The following CLIP2 variants were observed in gnomAD, a reference collection of about 807,000 sequenced individuals.
CLIP2 encodes CAP-Gly domain containing linker protein 2.
In CLIP2, 41 loss-of-function variants were observed where a neutral mutation model predicts 111.7. The ratio of observed to expected loss-of-function variants is 0.37; its 90% CI spans 0.29 to 0.48. The LOEUF is 0.48. Ranked by LOEUF, CLIP2 falls within the 20% of genes least tolerant of loss-of-function variation. The pLI, the probability that CLIP2 is intolerant of heterozygous loss-of-function variation, is 0.99. For synonymous variants in CLIP2, 660 were observed against 644.2 expected (o/e 1.02, Z -0.37); for missense variants, 1,160 against 1,422.1 (o/e 0.82, Z 2.96).
chr7:74,354,140 C>T lies in CLIP2; in HGVS notation c.803+136C>T, dbSNP rs979659232. ...GACACCATAAGTCCTTTCCCATTCCCTCCTTCCCAACAGCCCACTAAGCTG... is the reference window on the plus strand; with the variant it reads ...GACACCATAAGTCCTTTCCCATTCCTTCCTTCCCAACAGCCCACTAAGCTG... On this transcript the variant is annotated intron_variant, in intron 4 of 16. Transcript: ENST00000223398. 6.2e-5 allele frequency: 69 copies of T among 1,121,118 alleles called. No homozygotes were observed. The African/African-American group carries it at 9.9e-4, about 16-fold the overall frequency. 69.4% of individuals were successfully genotyped at this position (1,121,118 alleles called of 1,614,324 possible). A position where few individuals can be genotyped will look rare whatever the true frequency, so the allele number is the denominator to read the frequency against.
intron 7 of CLIP2, among the ~76,000 whole-genome samples, chr7:74,362,528 C>CTTTTTTTTTTTTTTTTTTT (rs3044338): frequency 1.9e-4 from 23 of 121,978 alleles, no homozygotes; most frequent in Non-Finnish European, 2.4e-4. Flanking sequence ...TTTTTCTTTT[C>CTTTTTTTTTTTTTTTTTTT]TTTTTTTTTT....
rs201943864 is a variant in CLIP2 at position 74,321,479 on chromosome 7, A to T, written c.121+3812A>T. 9.1e-3 allele frequency among the ~76,000 whole-genome samples: 1,371 copies of T among 151,352 alleles called. 15 individuals are homozygous for T. The highest frequency in any genetic ancestry group is 0.017 in the African/African-American group (703 of 41,320). On this transcript the variant is annotated intron_variant, in intron 2 of 16. Transcript: ENST00000223398. ...CTTTATTTTATTTATTATTATTATT[A>T]TTTTTTTTGAGATACAGTCTCGCTC...
At chr7:74,319,775 C>T (rs1164961474) in intron 2 of CLIP2, among the ~76,000 whole-genome samples, 3 of 150,928 alleles carry the variant, frequency 2.0e-5, no homozygotes, top group South Asian at 2.1e-4. Flanking sequence ...GAGCCATGAT[C>T]ACACCGCTGC....
At chr7:74,347,631 C>G (rs1281382216) in intron 3 of CLIP2, among the ~76,000 whole-genome samples, 5 of 152,168 alleles carry the variant, frequency 3.3e-5, no homozygotes, top group African/African-American at 1.2e-4. Flanking sequence ...GCGGCCACGC[C>G]TACTCCCTCT....
intron 9 of CLIP2, among the ~76,000 whole-genome samples, chr7:74,375,120 T>G (rs1483727123): frequency 6.6e-6 from 1 of 152,160 alleles, no homozygotes; most frequent in African/African-American, 2.4e-5. Context: ...TGGTGGCTCA[T>G]GCCCATAGAG....
chr7:74,394,425 T>C (rs1485110107), intron 13 of CLIP2, among the ~76,000 whole-genome samples: 1 of 152,046 alleles, frequency 6.6e-6, no homozygotes, highest in Non-Finnish European at 1.5e-5. Flanking sequence ...TAATTTTGTA[T>C]TTTTAGTATA....
At chr7:74,364,205 C>T (rs1790412647) in intron 7 of CLIP2, 50 bp from the exon 8 acceptor site, 1 of 1,552,854 alleles carries the variant, frequency 6.4e-7, no homozygotes, top group Non-Finnish European at 8.8e-7. Flanking sequence ...TCGGTGAATC[C>T]CGTTGCTCTG....
At chr7:74,337,411 G>A (rs1263606401) in intron 2 of CLIP2, among the ~76,000 whole-genome samples, 1 of 152,044 alleles carries the variant, frequency 6.6e-6, no homozygotes, top group Non-Finnish European at 1.5e-5. Context: ...TGAGGGCGAG[G>A]ATGGGGGTCT....
At chr7:74,346,754 C>T (rs1209706255) in intron 3 of CLIP2, among the ~76,000 whole-genome samples, 2 of 145,702 alleles carry the variant, frequency 1.4e-5, no homozygotes, top group African/African-American at 5.0e-5. Context: ...AAAACACTGG[C>T]CATGCACAGT....
chr7:74,325,124 G>T (rs909028845), intron 2 of CLIP2, among the ~76,000 whole-genome samples: 2 of 152,212 alleles, frequency 1.3e-5, no homozygotes, highest in Non-Finnish European at 2.9e-5. Context: ...GCCTCCGGCA[G>T]AGGATCTGGC....
chr7:74,341,801 G>T (rs1004061981), intron 3 of CLIP2, among the ~76,000 whole-genome samples: 2 of 152,018 alleles, frequency 1.3e-5, no homozygotes, highest in Non-Finnish European at 2.9e-5. Flanking sequence ...ACTTCCCCTG[G>T]GTGACCTGGT....
intron 1 of CLIP2, among the ~76,000 whole-genome samples, chr7:74,304,638 A>T (rs1788426951): frequency 6.6e-6 from 1 of 151,088 alleles, no homozygotes; most frequent in South Asian, 2.1e-4. Context: ...TGCACCCCAT[A>T]GGGCTAGGAA....
chr7:74,381,695 C>T (rs1790951443), intron 11 of CLIP2: 1 of 450,570 alleles, frequency 2.2e-6, no homozygotes, highest in Non-Finnish European at 4.5e-6. Context: ...TTCATTTATT[C>T]CATTTAACAA....
At chr7:74,336,875 G>GTTTTTT (rs1385833904) in intron 2 of CLIP2, among the ~76,000 whole-genome samples, 1 of 36,630 alleles carries the variant, frequency 2.7e-5, no homozygotes, top group Non-Finnish European at 7.1e-5. Flanking sequence ...TTTTTTTTTT[G>GTTTTTT]TTTTTTTTTG....
rs1298834136 is a variant in CLIP2, at chr7:74,376,937, C to G, written c.2421+115C>G. 9.1e-7 allele frequency: 1 copy of G among 1,095,544 alleles called. No homozygotes were observed. Among genetic ancestry groups the G allele is most frequent in the Middle Eastern group, 3.0e-4 (1 of 3,290 alleles). The allele number at this position is 1,095,544 out of a possible 1,614,324, so 67.9% of individuals were successfully genotyped here. A position where few individuals can be genotyped will look rare whatever the true frequency, so the allele number is the denominator to read the frequency against. On this transcript the variant is annotated intron_variant, in intron 10 of 16. Coordinates refer to ENST00000223398, the MANE Select transcript of CLIP2 (RefSeq NM_003388.5). The surrounding 1 kb of genome is among the most constrained non-coding windows in gnomAD (Gnocchi z 7.1). ...ATTTCCCTTGTCCCCGAGAGCATGC[C>G]TGGGGCAGTCAAGGAAGGGGTCACC...
chr7:74,300,490 C>T (rs1241371243), intron 1 of CLIP2, among the ~76,000 whole-genome samples: 2 of 145,090 alleles, frequency 1.4e-5, no homozygotes, highest in East Asian at 2.1e-4. Context: ...GAGTCTCGCT[C>T]TGTCGCCCAG....
chr7:74,308,578 C>T lies in CLIP2; in HGVS notation c.-67-8902C>T, dbSNP rs534995902. 9.7e-4 allele frequency among the ~76,000 whole-genome samples: 147 copies of T among 152,078 alleles called. 1 individual carries two copies. The highest frequency in any genetic ancestry group is 5.5e-3 in the Admixed American group (84 of 15,260). On this transcript the variant is annotated intron_variant, in intron 1 of 16. Transcript: ENST00000223398. ...GGAGCATGGTGGTGCGATGTCAGCT[C>T]ACTGCAACCTCCGCCTTCCGGGTTC...
At position 74,379,313 on chromosome 7, in the gene CLIP2, A is replaced by C. The variant is rs1584377627; in HGVS notation, c.2422-1493A>C. The stretch of plus-strand genomic sequence containing the variant: ...CACTGCACTCCGGCCTGGGCAACAG[A>C]GGGAGACTCCGTCTGGAAAAAAAAA... On this transcript the variant is annotated intron_variant, in intron 10 of 16. Coordinates refer to ENST00000223398, the MANE Select transcript of CLIP2 (RefSeq NM_003388.5). Among the ~76,000 whole-genome samples, 5 of 150,318 alleles carry C rather than the reference A, an allele frequency of 3.3e-5. No individual in the cohort carries two copies. In the East Asian group the frequency reaches 9.8e-4, roughly 30 times the overall value.
intron 8 of CLIP2, 38 bp from the exon 9 acceptor site, chr7:74,372,894 C>T (rs1554312191): frequency 2.1e-6 from 1 of 486,508 alleles, no homozygotes; most frequent in South Asian, 1.7e-5. Context: ...TGCGTCCCCG[C>T]CCCCACCCCC....
Sources: gnomAD v4.1 joint callset for allele counts (sites outside exome capture counted in the v4.1 genomes callset) on GRCh38, gnomAD v4.1.1 for gene constraint, Gnocchi (gnomAD v3.1) non-coding constraint, MANE v1.5 for transcripts, NCBI Gene and HGNC (gene_info 2026-07-23, HGNC 2026-07-21) for gene names.